The following LDLRAD4 variants were observed in gnomAD, a reference collection of about 807,000 sequenced individuals.
The protein encoded by LDLRAD4 is low density lipoprotein receptor class A domain containing 4, also known as low-density lipoprotein receptor class A domain-containing protein 4.
In LDLRAD4, 5 loss-of-function variants were observed where a neutral mutation model predicts 17.0. The observed-to-expected ratio is 0.29, with a 90% CI of 0.15 to 0.62. The LOEUF (loss-of-function observed/expected upper bound fraction) is 0.62. Ranked by LOEUF, LDLRAD4 falls within the 20% of genes least tolerant of loss-of-function variation. The pLI is 0.84. For missense variants in LDLRAD4, 340 were observed against 424.7 expected, an observed-to-expected ratio of 0.80 and a Z score of 1.75; for synonymous variants, 168 against 171.8, an observed-to-expected ratio of 0.98 and a Z score of 0.17.
At chr18:13,329,139 C>G (rs1447990168) in intron 1 of LDLRAD4, among the ~76,000 whole-genome samples, 1 of 152,040 alleles carries the variant, frequency 6.6e-6, no homozygotes, top group Non-Finnish European at 1.5e-5. Context: ...ACATATTTTC[C>G]CGCATGTGAA....
chr18:13,226,755 A>AAATAAAATAG (rs2041829607), intron 1 of LDLRAD4, among the ~76,000 whole-genome samples: 1 of 148,328 alleles, frequency 6.7e-6, no homozygotes, highest in Non-Finnish European at 1.5e-5. Context: ...AAATAAAATA[A>AAATAAAATAG]AATAGAATTA....
At chr18:13,396,529 G>C (rs974172014) in intron 2 of LDLRAD4, among the ~76,000 whole-genome samples, 1 of 152,204 alleles carries the variant, frequency 6.6e-6, no homozygotes, top group Non-Finnish European at 1.5e-5. Flanking sequence ...TGTCACCCAG[G>C]CTGGAATGCA....
At chr18:13,232,149 G>A (rs984446407) in intron 1 of LDLRAD4, among the ~76,000 whole-genome samples, 2 of 152,202 alleles carry the variant, frequency 1.3e-5, no homozygotes, top group Non-Finnish European at 2.9e-5. Flanking sequence ...GCGCGAGTAC[G>A]GTGCAGGCTG....
chr18:13,255,200 C>G (rs1038264177), intron 1 of LDLRAD4, among the ~76,000 whole-genome samples: 2 of 152,212 alleles, frequency 1.3e-5, no homozygotes, highest in Admixed American at 6.5e-5. Flanking sequence ...GCCCGCCCCC[C>G]CCAGCCCCGG....
intron 2 of LDLRAD4, among the ~76,000 whole-genome samples, chr18:13,391,306 G>C (rs560843571): frequency 2.6e-5 from 4 of 152,120 alleles, no homozygotes; most frequent in East Asian, 1.9e-4. Context: ...CTCGGGCTGT[G>C]GGGGAGGGCT....
exon 6 of LDLRAD4, chr18:13,651,650 G>GT (rs2043251451): frequency 6.6e-6 from 1 of 152,168 alleles, no homozygotes; most frequent in South Asian, 2.1e-4. Context: ...AACAAGAAAA[G>GT]TTTATAACAC....
chr18:13,535,740 CACAAAG>C (rs2094193232), intron 3 of LDLRAD4, among the ~76,000 whole-genome samples: 1 of 152,106 alleles, frequency 6.6e-6, no homozygotes, highest in Non-Finnish European at 1.5e-5. Flanking sequence ...AACCTAATGT[CACAAAG>C]ATTTTCTCCC....
chr18:13,369,188 C>T (rs900887009), intron 1 of LDLRAD4, among the ~76,000 whole-genome samples: 3 of 152,210 alleles, frequency 2.0e-5, no homozygotes, highest in Non-Finnish European at 4.4e-5. Flanking sequence ...CTGATCATAG[C>T]GACCACTTAC....
In LDLRAD4 at chr18:13,622,794, G is replaced by A. The variant is rs1420116077; in HGVS notation, c.336+1523G>A. Among the ~76,000 whole-genome samples the A allele has an allele frequency of 5.9e-5, 9 of 152,312 alleles. No individual in the cohort carries two copies. Among genetic ancestry groups the A allele is most frequent in the South Asian group, 2.1e-4 (1 of 4,828 alleles). ...CAGAACCGCAGAAGGCTCAGACATCGCTGCTTTGCCTTAATGTATTACGGG... is the reference window on the plus strand; with the variant it reads ...CAGAACCGCAGAAGGCTCAGACATCACTGCTTTGCCTTAATGTATTACGGG... On this transcript the variant is annotated intron_variant, in intron 4 of 5. Transcript: ENST00000359446. This position sits in a 1 kb window ranked among gnomAD's most constrained non-coding sequence, Gnocchi z 5.3.
chr18:13,277,216 G>A (rs189589823), upstream of LDLRAD4, among the ~76,000 whole-genome samples: 3 of 152,140 alleles, frequency 2.0e-5, no homozygotes, highest in Non-Finnish European at 2.9e-5. Context: ...TTTGGGGTAC[G>A]AGCCTCCTGG....
chr18:13,307,698 C>A (rs1352308831), intron 1 of LDLRAD4, among the ~76,000 whole-genome samples: 1 of 152,220 alleles, frequency 6.6e-6, no homozygotes, highest in Non-Finnish European at 1.5e-5. Context: ...GGATTACAGG[C>A]ATGAGCTGCC....
At chr18:13,301,353 A>G (rs980444713) in intron 1 of LDLRAD4, among the ~76,000 whole-genome samples, 2 of 145,410 alleles carry the variant, frequency 1.4e-5, no homozygotes, top group African/African-American at 2.5e-5. Context: ...CCGCTGGACC[A>G]TTCTCGAACT....
chr18:13,401,814 G>GC (rs2087236423), intron 2 of LDLRAD4, among the ~76,000 whole-genome samples: 1 of 152,126 alleles, frequency 6.6e-6, no homozygotes, highest in African/African-American at 2.4e-5. Context: ...TGTGGTTTCA[G>GC]CCCCCCTCTG....
chr18:13,311,365 T>C (rs1023929966), intron 1 of LDLRAD4, among the ~76,000 whole-genome samples: 1 of 152,236 alleles, frequency 6.6e-6, no homozygotes, highest in Non-Finnish European at 1.5e-5. Context: ...AGAGTCTTTG[T>C]GCATCCTGGT....
intron 2 of LDLRAD4, among the ~76,000 whole-genome samples, chr18:13,418,541 T>C (rs2145814327): frequency 6.6e-6 from 1 of 152,356 alleles, no homozygotes; most frequent in East Asian, 1.9e-4. Flanking sequence ...CTTTATTCCA[T>C]TGCAGGCCCT....
rs556098496 is a variant in LDLRAD4 at position 13,616,554 on chromosome 18, G to A, written c.182-4563G>A. On this transcript the variant is annotated intron_variant, in intron 3 of 5. Transcript: ENST00000359446. ...AGAGTCCCCAGAGCAAGGCTCTGCC[G>A]CGTGTGTGGGCCCCGCACCAGACCC... 1.4e-4 allele frequency among the ~76,000 whole-genome samples: 21 copies of A among 152,304 alleles called. No homozygotes were observed. In the East Asian group the frequency reaches 3.1e-3, roughly 22 times the overall value.
intron 3 of LDLRAD4, among the ~76,000 whole-genome samples, chr18:13,453,735 C>T (rs1257127365): frequency 6.6e-6 from 1 of 152,208 alleles, no homozygotes; most frequent in Non-Finnish European, 1.5e-5. Flanking sequence ...CAGTGCCCAC[C>T]CATCCTCTGC....
intron 4 of LDLRAD4, chr18:13,642,124 C>T (rs2042625421): frequency 1.1e-5 from 11 of 985,510 alleles, no homozygotes; most frequent in Non-Finnish European, 1.3e-5. Flanking sequence ...GCAGCTGGAC[C>T]GCCGTATACG....
chr18:13,315,312 C>T (rs763747993), intron 1 of LDLRAD4, among the ~76,000 whole-genome samples: 3 of 152,076 alleles, frequency 2.0e-5, no homozygotes, highest in African/African-American at 7.2e-5. Context: ...TTGTAATACA[C>T]AGTGTTTGGT....
Sources: gnomAD v4.1 joint callset for allele counts (sites outside exome capture counted in the v4.1 genomes callset) on GRCh38, gnomAD v4.1.1 for gene constraint, Gnocchi (gnomAD v3.1) non-coding constraint, MANE v1.5 for transcripts, NCBI Gene and HGNC (gene_info 2026-07-23, HGNC 2026-07-21) for gene names.